The following SRBD1 variants were observed in gnomAD, a reference collection of about 807,000 sequenced individuals.
SRBD1 encodes the protein S1 RNA binding domain 1.
SRBD1 carries 88 observed loss-of-function variants against 115.3 expected under a neutral mutation model. The ratio of observed to expected loss-of-function variants is 0.76; its 90% CI spans 0.64 to 0.91. The LOEUF (loss-of-function observed/expected upper bound fraction) is 0.91, where lower values mean the gene tolerates loss of function less well. Among genes scored for constraint, SRBD1 ranks in the 40% least tolerant of loss-of-function variants. The pLI is 0.00. For missense variants in SRBD1, 1,385 were observed against 1,177.4 expected (o/e 1.18, Z -2.58); for synonymous variants, 509 against 407.7 (o/e 1.25, Z -2.99).
intron 12 of SRBD1, among the ~76,000 whole-genome samples, chr2:45,549,225 G>C (rs1003366755): frequency 3.3e-5 from 5 of 150,322 alleles, no homozygotes; most frequent in African/African-American, 1.2e-4. Flanking sequence ...GAAAAAGAAA[G>C]CCCAGATAAA....
intron 2 of SRBD1, among the ~76,000 whole-genome samples, chr2:45,604,090 C>G (rs1389824107): frequency 6.6e-6 from 1 of 152,092 alleles, no homozygotes; most frequent in Non-Finnish European, 1.5e-5. Flanking sequence ...TAGACCATTT[C>G]TCATCACTTT....
chr2:45,486,052 T>C (rs914534951), intron 15 of SRBD1, among the ~76,000 whole-genome samples: 1 of 152,222 alleles, frequency 6.6e-6, no homozygotes, highest in African/African-American at 2.4e-5. Context: ...CAGCTAGACT[T>C]TGAAATTAGA....
chr2:45,506,629 T>C (rs1433479308), intron 14 of SRBD1, among the ~76,000 whole-genome samples: 1 of 152,190 alleles, frequency 6.6e-6, no homozygotes, highest in Admixed American at 6.5e-5. Flanking sequence ...CAAGTACTAT[T>C]CTTAAACTCT....
chr2:45,448,924 C>G (rs577892290), intron 16 of SRBD1, among the ~76,000 whole-genome samples: 12 of 152,290 alleles, frequency 7.9e-5, no homozygotes, highest in African/African-American at 2.9e-4. Flanking sequence ...CCTGGGGCAA[C>G]TCATCTTAAC....
rs1558472391 is a variant in SRBD1, at chr2:45,551,269, A to C, written c.1531T>G (p.Ser511Ala). 4 of 1,597,278 alleles carry C rather than the reference A, an allele frequency of 2.5e-6. No individual in the cohort carries two copies. Among genetic ancestry groups the C allele is most frequent in the African/African-American group, 1.3e-5 (1 of 74,110 alleles). Residue 511 changes from serine to alanine, a missense_variant, in exon 12 of 21, where the codon TCA (serine) becomes GCA (alanine). Ser to Ala is a moderately conservative substitution (Grantham distance 99, BLOSUM62 1). Transcript: ENST00000263736. ...ATTACTGATTCCTTCTCTGCATCTGATGTTAGTTTGGCTCTTTAGAAATAG... is the reference window on the plus strand; with the variant it reads ...ATTACTGATTCCTTCTCTGCATCTGCTGTTAGTTTGGCTCTTTAGAAATAG... ...LCREFRAKLT[S>A]DAEKESVMMF...
At chr2:45,564,490 T>C (rs542499275) in intron 9 of SRBD1, among the ~76,000 whole-genome samples, 1 of 152,310 alleles carries the variant, frequency 6.6e-6, no homozygotes, top group Admixed American at 6.5e-5. Context: ...CATGATCTTA[T>C]ATATAGAAAA....
In SRBD1 at chr2:45,559,637, A is replaced by T. The variant is rs116736667; in HGVS notation, c.1409+3016T>A. On this transcript the variant is annotated intron_variant, in intron 10 of 20. Transcript: ENST00000263736. Reference sequence around the variant, plus strand: ...AGAGGGTGAAGAAATAGGGAAAAAGAGAGTAAAAAAAGGAACTAGAAGATT... The same window carrying T: ...AGAGGGTGAAGAAATAGGGAAAAAGTGAGTAAAAAAAGGAACTAGAAGATT... 7.7e-3 allele frequency among the ~76,000 whole-genome samples: 1,168 copies of T among 152,284 alleles called. 13 individuals carry two copies. Among genetic ancestry groups the T allele is most frequent in the Middle Eastern group, 0.02 (6 of 294 alleles).
chr2:45,499,813 A>T (rs1416092745), intron 14 of SRBD1, among the ~76,000 whole-genome samples: 1 of 152,054 alleles, frequency 6.6e-6, no homozygotes, highest in East Asian at 1.9e-4. Context: ...CCACGTGTAC[A>T]GATCTACTTC....
chr2:45,591,913 T>C (rs1389922254), intron 4 of SRBD1, among the ~76,000 whole-genome samples: 3 of 152,278 alleles, frequency 2.0e-5, no homozygotes, highest in African/African-American at 7.2e-5. Context: ...GACCTTCCAG[T>C]GTGATATGGT....
chr2:45,415,687 G>GGGAGGGGAGA (rs1558564967), intron 18 of SRBD1, among the ~76,000 whole-genome samples: 1 of 3,724 alleles, frequency 2.7e-4, no homozygotes, highest in Admixed American at 3.4e-3. Context: ...GGGAGGGGAC[G>GGGAGGGGAGA]GGAGAGGAGA....
Position 45,599,818 on chromosome 2 carries a change from A to T in SRBD1, c.279T>A (p.Ile93=), listed in dbSNP as rs1382334146. Residue 93 remains isoleucine (I), a synonymous_variant, in exon 4 of 21, where the codon ATT becomes ATA. Transcript: ENST00000263736. ...TTCTGTCTTCTAAAGCAGTATCAGCAATAGCCACAGAGCTATTCTATCAAA... is the reference window on the plus strand; with the variant it reads ...TTCTGTCTTCTAAAGCAGTATCAGCTATAGCCACAGAGCTATTCTATCAAA... The part of the protein sequence containing the change: ...VKEELNSSVA[I]ADTALEDRKN... 6.2e-7 allele frequency: 1 copy of T among 1,612,710 alleles called. No homozygotes were observed. Among genetic ancestry groups the T allele is most frequent in the Admixed American group, 1.7e-5 (1 of 59,750 alleles).
At chr2:45,515,116 C>A (rs1200394424) in intron 14 of SRBD1, among the ~76,000 whole-genome samples, 1 of 152,048 alleles carries the variant, frequency 6.6e-6, no homozygotes, top group Non-Finnish European at 1.5e-5. Context: ...AACATGGGAA[C>A]AAGAGAGAGT....
chr2:45,589,690 T>A (rs1426041460), intron 4 of SRBD1, among the ~76,000 whole-genome samples: 1 of 152,168 alleles, frequency 6.6e-6, no homozygotes. Context: ...ATTTGATCCT[T>A]GAAATTAAGG....
chr2:45,511,862 G>A (rs984941735), intron 14 of SRBD1, among the ~76,000 whole-genome samples: 7 of 152,168 alleles, frequency 4.6e-5, no homozygotes, highest in Non-Finnish European at 8.8e-5. Context: ...ACCTCATCAA[G>A]ACTGCTAGAA....
chr2:45,470,788 ATATGT>A (rs142248029), intron 16 of SRBD1, among the ~76,000 whole-genome samples: 1,592 of 152,216 alleles, frequency 0.01, 23 homozygotes, highest in African/African-American at 0.03. Context: ...TCAGTTAGGG[ATATGT>A]TGTCATTTGA....
intron 14 of SRBD1, among the ~76,000 whole-genome samples, chr2:45,492,689 T>G (rs1414028777): frequency 6.6e-6 from 1 of 152,216 alleles, no homozygotes; most frequent in Non-Finnish European, 1.5e-5. Context: ...TCCGCCTGCC[T>G]CGGCCTCCCA....
rs557717584 is a variant in SRBD1, at chr2:45,602,222, AAC to A, written c.81-141_81-140del. On this transcript the variant is annotated intron_variant, in intron 2 of 20. Coordinates refer to ENST00000263736, the MANE Select transcript of SRBD1 (RefSeq NM_018079.5). ...ATGGAGTGATTGAGTACAGGCTGTG[AAC>A]AGTTATTGCTAAGAATTGAACCAAC... 281 of 976,608 alleles carry A rather than the reference AAC, an allele frequency of 2.9e-4. 1 individual carries two copies. In the African/African-American group the frequency reaches 4.2e-3, roughly 14 times the overall value. 60.5% of individuals were successfully genotyped at this position (976,608 alleles called of 1,614,324 possible). A position where few individuals can be genotyped will look rare whatever the true frequency, so the allele number is the denominator to read the frequency against.
intron 14 of SRBD1, among the ~76,000 whole-genome samples, chr2:45,523,275 GAAAA>G (rs61024871): frequency 1.2e-5 from 1 of 86,570 alleles, no homozygotes; most frequent in African/African-American, 4.1e-5. Flanking sequence ...CAAAACGCTG[GAAAA>G]AAAAAAAAAA....
intron 14 of SRBD1, among the ~76,000 whole-genome samples, chr2:45,544,190 G>A (rs892964420): frequency 2.2e-5 from 3 of 134,612 alleles, no homozygotes; most frequent in Non-Finnish European, 4.5e-5. Context: ...CCAAGATCGC[G>A]CCACTGCACT....
Sources: allele counts gnomAD v4.1 joint callset (sites outside exome capture counted in the v4.1 genomes callset), GRCh38; gene constraint gnomAD v4.1.1; transcripts MANE v1.5; gene names NCBI Gene and HGNC (gene_info 2026-07-23, HGNC 2026-07-21).